CRADD: variants seen among roughly 807,000 people sequenced by gnomAD.
CRADD encodes the protein death domain-containing protein CRADD.
CRADD carries 9 observed loss-of-function variants against 15.5 expected under a neutral mutation model. The observed-to-expected ratio is 0.58, with a 90% CI of 0.35 to 1.01. The LOEUF (loss-of-function observed/expected upper bound fraction) is 1.01. CRADD is among the 50% of genes least tolerant of loss of function. The pLI, the probability that CRADD is intolerant of heterozygous loss-of-function variation, is 0.02. For synonymous variants in CRADD, 118 were observed against 107.6 expected, an observed-to-expected ratio of 1.10 and a Z score of -0.60; for missense variants, 227 against 250.3, an observed-to-expected ratio of 0.91 and a Z score of 0.63.
chr12:93,861,615 C>T (rs1593050489), intron 2 of CRADD, among the ~76,000 whole-genome samples: 1 of 152,178 alleles, frequency 6.6e-6, no homozygotes, highest in South Asian at 2.1e-4. Flanking sequence ...AAGGGTCACC[C>T]CAGTTCAGAG....
intron 2 of CRADD, among the ~76,000 whole-genome samples, chr12:93,883,627 G>A (rs568248812): frequency 6.6e-6 from 1 of 152,146 alleles, no homozygotes; most frequent in Admixed American, 6.5e-5. Flanking sequence ...ACATTAGCCT[G>A]GGCAATATAG....
intron 2 of CRADD, among the ~76,000 whole-genome samples, chr12:93,841,451 T>G (rs1958046367): frequency 2.0e-5 from 3 of 152,192 alleles, no homozygotes; most frequent in South Asian, 2.1e-4. Flanking sequence ...TTGTCCAAGG[T>G]CCACAGGATC....
At chr12:93,872,432 A>G (rs913033531) in intron 2 of CRADD, among the ~76,000 whole-genome samples, 2 of 151,796 alleles carry the variant, frequency 1.3e-5, no homozygotes, top group African/African-American at 4.8e-5. Flanking sequence ...GTACCTGTTT[A>G]CTTTGGTTGC....
intron 2 of CRADD, chr12:93,846,354 A>G (rs766279971): frequency 1.3e-5 from 2 of 152,178 alleles, no homozygotes; most frequent in African/African-American, 2.4e-5. Flanking sequence ...AGGAACTGCC[A>G]TACTGTTTTC....
intron 2 of CRADD, among the ~76,000 whole-genome samples, chr12:93,865,564 A>C (rs550530133): frequency 1.3e-5 from 2 of 152,112 alleles, no homozygotes; most frequent in Admixed American, 6.6e-5. Context: ...GACTACAGGC[A>C]CATGCCACCA....
At chr12:93,881,004 A>G (rs1046138146) in intron 2 of CRADD, among the ~76,000 whole-genome samples, 3 of 152,228 alleles carry the variant, frequency 2.0e-5, no homozygotes, top group African/African-American at 7.2e-5. Context: ...GCATTTAGCA[A>G]TTCCTTTTTT....
chr12:93,850,447 G>A lies in CRADD; in HGVS notation c.*176G>A, dbSNP rs1958205180. The A allele has an allele frequency of 7.4e-7, 1 of 1,350,770 alleles. No homozygotes were observed. The allele number at this position is 1,350,770 out of a possible 1,614,324, so 83.7% of individuals were successfully genotyped here. Reference sequence around the variant, plus strand: ...ATTACTTGAAAGGCCAGATTACTCAGCAGATCTCCCATGTTGGCTCAACAA... The same window carrying A: ...ATTACTTGAAAGGCCAGATTACTCAACAGATCTCCCATGTTGGCTCAACAA... On this transcript the variant is annotated 3_prime_UTR_variant, in exon 3 of 3. Transcript: ENST00000332896. The surrounding 1 kb of genome is among the most constrained non-coding windows in gnomAD (Gnocchi z 4.0).
At chr12:93,844,647 A>C (rs932771376) in intron 2 of CRADD, among the ~76,000 whole-genome samples, 7 of 152,194 alleles carry the variant, frequency 4.6e-5, no homozygotes, top group South Asian at 2.1e-4. Flanking sequence ...CATGTTGGCC[A>C]AGAATGAGAG....
chr12:93,889,296 A>G (rs1160099702), intron 2 of CRADD, among the ~76,000 whole-genome samples: 1 of 152,114 alleles, frequency 6.6e-6, no homozygotes, highest in Non-Finnish European at 1.5e-5. Flanking sequence ...GAGAGATGCC[A>G]TGCACATTTT....
At position 93,724,559 on chromosome 12, in the gene CRADD, T is replaced by G. The variant is rs140459033; in HGVS notation, c.298+45487T>G. ...TTACTTGTTAGGATGGAGTGGCGAC[T>G]TTTCAGCTCCTTAAATACAGAGCTG... On this transcript the variant is annotated intron_variant, in intron 2 of 2. Coordinates refer to ENST00000332896, the MANE Select transcript of CRADD (RefSeq NM_003805.5). Among the ~76,000 whole-genome samples, 20 of 152,286 alleles carry G rather than the reference T, an allele frequency of 1.3e-4. 1 individual carries two copies. In the East Asian group the frequency reaches 3.9e-3, roughly 29 times the overall value.
chr12:93,851,594 G>A (rs1958222243), downstream of CRADD, among the ~76,000 whole-genome samples: 1 of 152,232 alleles, frequency 6.6e-6, no homozygotes, highest in South Asian at 2.1e-4. Context: ...CACTGTGGCT[G>A]AAGGTATGGT....
At chr12:93,835,061 G>GC (rs767745686) in intron 2 of CRADD, among the ~76,000 whole-genome samples, 12 of 151,918 alleles carry the variant, frequency 7.9e-5, no homozygotes, top group East Asian at 3.9e-4. Flanking sequence ...ATTTTCACTG[G>GC]CCCCCCCATT....
chr12:93,682,690 A>T (rs1005544161), intron 2 of CRADD, among the ~76,000 whole-genome samples: 1 of 152,040 alleles, frequency 6.6e-6, no homozygotes, highest in Non-Finnish European at 1.5e-5. Context: ...ATTGAGCTGT[A>T]TCTTGTTCTT....
downstream of CRADD, among the ~76,000 whole-genome samples, chr12:93,854,943 C>G (rs1039242583): frequency 6.6e-6 from 1 of 152,136 alleles, no homozygotes; most frequent in African/African-American, 2.4e-5. Context: ...CCTATAATCC[C>G]AGCGCTTTGG....
intron 2 of CRADD, among the ~76,000 whole-genome samples, chr12:93,869,409 AAG>A (rs1353230144): frequency 6.6e-6 from 1 of 152,198 alleles, no homozygotes; most frequent in African/African-American, 2.4e-5. Flanking sequence ...CAATAATAAA[AAG>A]AGAGAAACTC....
chr12:93,713,123 A>C (rs758702300), intron 2 of CRADD, among the ~76,000 whole-genome samples: 14 of 152,220 alleles, frequency 9.2e-5, no homozygotes, highest in Non-Finnish European at 1.5e-4. Flanking sequence ...TGACCTCTGA[A>C]AGTTCTAGGA....
intron 2 of CRADD, among the ~76,000 whole-genome samples, chr12:93,780,494 G>A (rs1957194475): frequency 6.6e-6 from 1 of 152,166 alleles, no homozygotes; most frequent in Admixed American, 6.5e-5. Flanking sequence ...ATGATGGGCT[G>A]GGATTCAGAT....
intron 2 of CRADD, among the ~76,000 whole-genome samples, chr12:93,822,117 CA>C (rs34990364): frequency 8.3e-4 from 117 of 140,748 alleles, no homozygotes; most frequent in East Asian, 7.6e-3. Context: ...GACTCAGTCT[CA>C]AAAAAAAAAA....
chr12:93,852,543 G>A (rs907213299), downstream of CRADD, among the ~76,000 whole-genome samples: 2 of 152,220 alleles, frequency 1.3e-5, no homozygotes, highest in African/African-American at 2.4e-5. Context: ...GCCTGCTCAC[G>A]TGCTTGCAGA....
Sources: allele counts gnomAD v4.1 joint callset (sites outside exome capture counted in the v4.1 genomes callset), GRCh38; gene constraint gnomAD v4.1.1; non-coding constraint Gnocchi (gnomAD v3.1); transcripts MANE v1.5; gene names NCBI Gene and HGNC (gene_info 2026-07-23, HGNC 2026-07-21).